Variants in CCSER1 observed in about 807,000 individuals in gnomAD.
CCSER1 encodes the protein coiled-coil serine rich protein 1, also known as serine-rich coiled-coil domain-containing protein 1.
CCSER1 carries 41 observed loss-of-function variants against 82.0 expected under a neutral mutation model. The observed-to-expected ratio is 0.50, with a 90% CI of 0.39 to 0.65. The LOEUF is 0.65. Ranked by LOEUF, CCSER1 falls within the 30% of genes least tolerant of loss-of-function variation. CCSER1 has a pLI of 0.00. For synonymous variants in CCSER1, 414 were observed against 383.9 expected (o/e 1.08, Z -0.92); for missense variants, 1,119 against 1,064.2 (o/e 1.05, Z -0.72).
At chr4:91,144,238 A>C (rs1729325374) in intron 10 of CCSER1, among the ~76,000 whole-genome samples, 1 of 151,768 alleles carries the variant, frequency 6.6e-6, no homozygotes. Context: ...TAGATTTTCT[A>C]GTTGATGTGC....
At chr4:90,435,896 A>G (rs1758934329) in intron 4 of CCSER1, among the ~76,000 whole-genome samples, 1 of 152,008 alleles carries the variant, frequency 6.6e-6, no homozygotes, top group African/African-American at 2.4e-5. Context: ...TATATATGTT[A>G]GATATTAAAT....
chr4:90,246,316 C>A (rs187512363), intron 1 of CCSER1, among the ~76,000 whole-genome samples: 1 of 152,066 alleles, frequency 6.6e-6, no homozygotes, highest in Admixed American at 6.5e-5. Flanking sequence ...AAATTTCAAC[C>A]CTGTTTGGTT....
At chr4:91,465,056 T>G (rs1047011630) in intron 10 of CCSER1, among the ~76,000 whole-genome samples, 8 of 152,210 alleles carry the variant, frequency 5.3e-5, no homozygotes, top group Non-Finnish European at 1.2e-4. Context: ...ATATACATTT[T>G]TCTCAGCACC....
intron 3 of CCSER1, among the ~76,000 whole-genome samples, chr4:90,377,777 G>A (rs1002575654): frequency 2.0e-5 from 3 of 151,986 alleles, no homozygotes; most frequent in Non-Finnish European, 4.4e-5. Context: ...ACTGAGATGA[G>A]CATTTTTACA....
chr4:90,264,371 A>G (rs1354194862), intron 1 of CCSER1, among the ~76,000 whole-genome samples: 1 of 152,154 alleles, frequency 6.6e-6, no homozygotes, highest in African/African-American at 2.4e-5. Context: ...CTGACTCCCA[A>G]AGACATTAAC....
intron 10 of CCSER1, among the ~76,000 whole-genome samples, chr4:91,275,970 A>C (rs2149192586): frequency 6.6e-6 from 1 of 152,210 alleles, no homozygotes; most frequent in East Asian, 1.9e-4. Flanking sequence ...TTAACTATAA[A>C]AACATGGATT....
At chr4:90,334,807 G>A (rs752502307) in intron 3 of CCSER1, among the ~76,000 whole-genome samples, 1 of 152,038 alleles carries the variant, frequency 6.6e-6, no homozygotes, top group Non-Finnish European at 1.5e-5. Flanking sequence ...AGTAGTTTGT[G>A]TACCATTCTA....
chr4:90,878,335 A>G (rs930946378), intron 8 of CCSER1, among the ~76,000 whole-genome samples: 2 of 152,060 alleles, frequency 1.3e-5, no homozygotes, highest in Non-Finnish European at 1.5e-5. Context: ...CTCTCAGTCT[A>G]TGTCTTATTT....
intron 10 of CCSER1, among the ~76,000 whole-genome samples, chr4:91,551,033 AAAAG>A (rs1298512966): frequency 1.3e-5 from 2 of 152,118 alleles, no homozygotes; most frequent in African/African-American, 4.8e-5. Context: ...ACAATAATAA[AAAAG>A]AAAGAGCAGT....
At position 91,469,841 on chromosome 4, in the gene CCSER1, C is replaced by T. The variant is rs141040618; in HGVS notation, c.2218-128731C>T. 8.5e-5 allele frequency among the ~76,000 whole-genome samples: 13 copies of T among 152,258 alleles called. 1 individual carries two copies. In the East Asian group the frequency reaches 2.5e-3, roughly 29 times the overall value. ...TAATTAATAGTGATTTCCCAGTGCC[C>T]TCTACTAAGTGGTGCAATCATAGAA... On this transcript the variant is annotated intron_variant, in intron 10 of 10. Transcript: ENST00000509176.
At chr4:90,988,476 A>G (rs151282510) in intron 9 of CCSER1, among the ~76,000 whole-genome samples, 2 of 151,244 alleles carry the variant, frequency 1.3e-5, no homozygotes, top group Non-Finnish European at 1.5e-5. Context: ...CAATAGTCAT[A>G]TCTTTGTAAA....
intron 3 of CCSER1, among the ~76,000 whole-genome samples, chr4:90,316,217 AG>A (rs1736135988): frequency 1.3e-5 from 2 of 152,220 alleles, no homozygotes; most frequent in African/African-American, 4.8e-5. Flanking sequence ...GAAGATAAGC[AG>A]GTTGCCTAAA....
chr4:91,393,666 A>G (rs910311530), intron 10 of CCSER1, among the ~76,000 whole-genome samples: 13 of 152,202 alleles, frequency 8.5e-5, no homozygotes, highest in African/African-American at 3.1e-4. Context: ...TAATTGGGTT[A>G]TAGCTCATCC....
chr4:91,194,673 A>AACAC (rs370891528), intron 10 of CCSER1, among the ~76,000 whole-genome samples: 35 of 149,976 alleles, frequency 2.3e-4, no homozygotes, highest in Admixed American at 6.0e-4. Context: ...CATGGTAGAG[A>AACAC]ACACACACAC....
chr4:91,315,814 C>T (rs906461438), intron 10 of CCSER1, among the ~76,000 whole-genome samples: 11 of 151,904 alleles, frequency 7.2e-5, no homozygotes, highest in African/African-American at 2.7e-4. Context: ...GTTGCTAGTT[C>T]CACAGCTTAT....
chr4:91,225,098 A>G (rs1429076438), intron 10 of CCSER1, among the ~76,000 whole-genome samples: 2 of 148,168 alleles, frequency 1.3e-5, no homozygotes, highest in African/African-American at 4.9e-5. Context: ...ACAGTAAGGT[A>G]GAATTCTTGA....
chr4:91,097,547 T>G (rs566980658), intron 10 of CCSER1, among the ~76,000 whole-genome samples: 54 of 152,342 alleles, frequency 3.5e-4, no homozygotes, highest in Middle Eastern at 6.8e-3. Flanking sequence ...TAGTTTATAC[T>G]CTTATAAAAC....
rs142668453 is a variant in CCSER1, at chr4:90,910,374, G to A, written c.2095-12996G>A. ...TCTAGAATATGACGCACAGTTATCT[G>A]GGTACAAGTATTCCTAATGATTTCA... On this transcript the variant is annotated intron_variant, in intron 8 of 10. Coordinates refer to ENST00000509176, the MANE Select transcript of CCSER1 (RefSeq NM_001145065.2). 4.0e-3 allele frequency among the ~76,000 whole-genome samples: 606 copies of A among 152,246 alleles called. 3 individuals carry two copies. Among genetic ancestry groups the A allele is most frequent in the South Asian group, 0.032 (153 of 4,816 alleles).
At chr4:91,277,950 A>C (rs542581492) in intron 10 of CCSER1, among the ~76,000 whole-genome samples, 6 of 152,148 alleles carry the variant, frequency 3.9e-5, no homozygotes, top group Non-Finnish European at 7.4e-5. Context: ...ATGGTTATTC[A>C]GGAGCATGTT....
Sources: allele counts gnomAD v4.1 joint callset (sites outside exome capture counted in the v4.1 genomes callset), GRCh38; gene constraint gnomAD v4.1.1; transcripts MANE v1.5; gene names NCBI Gene and HGNC (gene_info 2026-07-23, HGNC 2026-07-21).